The following CDK13 variants were observed in gnomAD, a reference collection of about 807,000 sequenced individuals.
The protein encoded by CDK13 is cyclin dependent kinase 13, also known as cyclin-dependent kinase 13.
A neutral mutation model predicts 137.6 loss-of-function variants in CDK13; 40 were observed. That is an observed-to-expected ratio of 0.29 (90% CI 0.23 to 0.38). The LOEUF (loss-of-function observed/expected upper bound fraction) is 0.38, where lower values mean the gene tolerates loss of function less well. CDK13 is among the 10% of genes least tolerant of loss of function. The probability of loss-of-function intolerance (pLI) is 1.00; values close to 1 mark genes in which losing one functional copy is unlikely to be tolerated. For synonymous variants in CDK13, 869 were observed against 760.1 expected (o/e 1.14, Z -2.36); for missense variants, 1,704 against 1,951.8 (o/e 0.87, Z 2.39).
At chr7:40,049,084 A>C (rs370630474) in intron 7 of CDK13, 2 of 148,566 alleles carry the variant, frequency 1.3e-5, no homozygotes, top group South Asian at 2.2e-4. Flanking sequence ...AATCCCAGCT[A>C]CTTGGGAGGC....
At position 40,007,322 on chromosome 7, in the gene CDK13, T is replaced by C. The variant is rs374463131; in HGVS notation, c.2353+5291T>C. The stretch of plus-strand genomic sequence containing the variant: ...GAAGAAGTCCTCACATGTCACTCCC[T>C]GTGTACTCTCTGATTCCCAAACAGT... On this transcript the variant is annotated intron_variant, in intron 5 of 13. Transcript: ENST00000181839. 3.8e-4 allele frequency among the ~76,000 whole-genome samples: 58 copies of C among 152,364 alleles called. No individual in the cohort carries two copies. In the South Asian group the frequency reaches 0.012, roughly 30 times the overall value.
intron 7 of CDK13, among the ~76,000 whole-genome samples, chr7:40,057,570 T>G (rs1454248915): frequency 6.6e-6 from 1 of 152,146 alleles, no homozygotes; most frequent in Non-Finnish European, 1.5e-5. Flanking sequence ...ACAGCTGCCA[T>G]AGAAGGGAGG....
intron 11 of CDK13, among the ~76,000 whole-genome samples, chr7:40,083,999 T>C (rs924158590): frequency 2.6e-5 from 4 of 152,232 alleles, no homozygotes; most frequent in Non-Finnish European, 2.9e-5. Context: ...CAAACTCTTT[T>C]GATCAATTTT....
chr7:39,951,757 C>T lies in CDK13; in HGVS notation c.1116C>T (p.Arg372=). The part of the protein sequence containing the change: ...YSRRRSPSYS[R]HSSYERGGDV... ...GCCGCCGCTCCCCCAGCTACAGCCG[C>T]CACAGCTCCTACGAGCGGGGCGGCG... The change falls in exon 1 of 14, where the codon CGC becomes CGT. Residue 372 remains arginine, a synonymous_variant. Transcript: ENST00000181839. 1.3e-6 allele frequency: 2 copies of T among 1,493,680 alleles called. No individual in the cohort carries two copies. Among genetic ancestry groups the T allele is most frequent in the Admixed American group, 2.4e-5 (1 of 41,498 alleles). 92.5% of individuals were successfully genotyped at this position (1,493,680 alleles called of 1,614,324 possible).
intron 5 of CDK13, among the ~76,000 whole-genome samples, chr7:40,026,738 C>T (rs1013721345): frequency 6.6e-6 from 1 of 152,140 alleles, no homozygotes; most frequent in African/African-American, 2.4e-5. Flanking sequence ...GATTGTCATT[C>T]ATTTCCTTTC....
chr7:40,009,134 C>T (rs1024390254), intron 5 of CDK13, among the ~76,000 whole-genome samples: 30 of 152,168 alleles, frequency 2.0e-4, no homozygotes, highest in African/African-American at 7.2e-4. Flanking sequence ...TCACTATCAT[C>T]ATTTGTCTAT....
Position 40,073,912 on chromosome 7 carries a change from T to A in CDK13, c.2781-4093T>A, listed in dbSNP as rs1562761113. Among the ~76,000 whole-genome samples the A allele has an allele frequency of 2.0e-5, 3 of 150,634 alleles. No individual in the cohort carries two copies. In the South Asian group the frequency reaches 6.3e-4, roughly 32 times the overall value. The stretch of plus-strand genomic sequence containing the variant: ...GCCTTTCTTTTTTTCCTTTTTTTTT[T>A]TTTTTTAAGATAAAGTCTTGCTGTC... On this transcript the variant is annotated intron_variant, in intron 9 of 13. Coordinates refer to ENST00000181839, the MANE Select transcript of CDK13 (RefSeq NM_003718.5).
chr7:40,056,793 G>A (rs568004294), intron 7 of CDK13, among the ~76,000 whole-genome samples: 2 of 152,336 alleles, frequency 1.3e-5, no homozygotes, highest in South Asian at 4.1e-4. Context: ...ATGGTTGAAT[G>A]TGTTGTGAGA....
chr7:40,044,611 G>A (rs548076443), intron 5 of CDK13, among the ~76,000 whole-genome samples: 19 of 151,146 alleles, frequency 1.3e-4, no homozygotes, highest in Non-Finnish European at 2.2e-4. Context: ...GAGCCACAGC[G>A]CCCGGCTGTC....
intron 7 of CDK13, among the ~76,000 whole-genome samples, chr7:40,058,954 G>A (rs942045871): frequency 6.6e-6 from 1 of 152,096 alleles, no homozygotes; most frequent in African/African-American, 2.4e-5. Flanking sequence ...AGTACATGGG[G>A]GGGTTGCCTT....
At chr7:40,011,891 G>A (rs1562727422) in intron 5 of CDK13, among the ~76,000 whole-genome samples, 1 of 152,110 alleles carries the variant, frequency 6.6e-6, no homozygotes, top group Admixed American at 6.5e-5. Flanking sequence ...TATCTTATAA[G>A]GAACTTGTAT....
intron 5 of CDK13, 23 bp downstream of exon 5, chr7:40,002,054 C>G: frequency 1.3e-6 from 2 of 1,529,376 alleles, no homozygotes; most frequent in Non-Finnish European, 1.8e-6. Context: ...ATTTAAATAA[C>G]GAATTTTTTG....
At chr7:40,045,811 A>T in intron 5 of CDK13, 25 bp from the exon 6 acceptor site, 1 of 1,476,224 alleles carries the variant, frequency 6.8e-7, no homozygotes. Flanking sequence ...TAAGTTTCTA[A>T]TGTATTAATT....
chr7:40,007,356 C>T (rs1030461170), intron 5 of CDK13, among the ~76,000 whole-genome samples: 13 of 152,338 alleles, frequency 8.5e-5, no homozygotes, highest in African/African-American at 3.1e-4. Context: ...GTGTTAGGTG[C>T]TCCTGTATAC....
rs977695627 is a variant in CDK13 at position 40,016,988 on chromosome 7, C to G, written c.2353+14957C>G. 2.0e-5 allele frequency among the ~76,000 whole-genome samples: 3 copies of G among 152,074 alleles called. No individual in the cohort carries two copies. In the East Asian group the frequency reaches 5.8e-4, roughly 29 times the overall value. On this transcript the variant is annotated intron_variant, in intron 5 of 13. Transcript: ENST00000181839. ...TACCATGGCCAGTGATGAAGAGACA[C>G]CAGAGTCACGTTTTTTCAGTTTCCA...
intron 2 of CDK13, among the ~76,000 whole-genome samples, chr7:39,993,078 T>C (rs1381316718): frequency 6.6e-6 from 1 of 152,184 alleles, no homozygotes; most frequent in African/African-American, 2.4e-5. Flanking sequence ...ATATCCTTTT[T>C]CCCAACAACC....
chr7:40,002,068 T>C (rs1023503658), intron 5 of CDK13, 37 bp downstream of exon 5: 41 of 1,484,624 alleles, frequency 2.8e-5, no homozygotes, highest in Non-Finnish European at 3.6e-5. Context: ...TTTTTTGTAT[T>C]CATGATTGAT....
chr7:40,026,983 T>TAC, intron 5 of CDK13, among the ~76,000 whole-genome samples: 2 of 151,300 alleles, frequency 1.3e-5, no homozygotes, highest in Middle Eastern at 6.8e-3. Flanking sequence ...GCTAACCGTG[T>TAC]ATGTAAATTT....
Position 40,097,369 on chromosome 7 carries a change from G to A in CDK13, c.*2389G>A, listed in dbSNP as rs546465131. On this transcript the variant is annotated 3_prime_UTR_variant, in exon 14 of 14. Transcript: ENST00000181839. The stretch of plus-strand genomic sequence containing the variant: ...GCTAAGACGTCATCAATTGTAAGCT[G>A]CATCCCAGATTCAGACATATTATAT... 20 of 152,128 alleles carry A rather than the reference G, an allele frequency of 1.3e-4. No homozygotes were observed. The highest frequency in any genetic ancestry group is 4.6e-4 in the African/African-American group (19 of 41,534). The allele number at this position is 152,128 out of a possible 1,614,324, so 9.4% of individuals were successfully genotyped here.
Sources: gnomAD v4.1 joint callset for allele counts (sites outside exome capture counted in the v4.1 genomes callset) on GRCh38, gnomAD v4.1.1 for gene constraint, MANE v1.5 for transcripts, NCBI Gene and HGNC (gene_info 2026-07-23, HGNC 2026-07-21) for gene names.